The following ZNF581 variants were observed in gnomAD, a reference collection of about 807,000 sequenced individuals.
The protein encoded by ZNF581 is zinc finger protein 581.
ZNF581 carries 1 observed loss-of-function variant against 1.2 expected under a neutral mutation model. The observed-to-expected ratio is 0.83, with a 90% CI of 0.30 to 3.95. ZNF581 has a LOEUF of 3.95. Ranked by LOEUF, ZNF581 falls within the 30% of genes most tolerant of loss-of-function variation. ZNF581 has a pLI of 0.18. For missense variants in ZNF581, 273 were observed against 274.6 expected, an observed-to-expected ratio of 0.99 and a Z score of 0.04; for synonymous variants, 105 against 109.2, an observed-to-expected ratio of 0.96 and a Z score of 0.24.
chr19:55,643,033 A>G, upstream of ZNF581: 1 of 1,358,494 alleles, frequency 7.4e-7, no homozygotes, highest in Non-Finnish European at 9.5e-7. Context: ...ACTAAGCTCG[A>G]GACCCGGCCT....
rs1215475425 is a variant in ZNF581, at chr19:55,643,694, C to T, written c.-100C>T. Reference sequence around the variant, plus strand: ...AGTTCCTGGGGCACACCCAGAGGTCCCCTTCTCGCCGCCGCCTGCAACTGC... The same window carrying T: ...AGTTCCTGGGGCACACCCAGAGGTCTCCTTCTCGCCGCCGCCTGCAACTGC... On this transcript the variant is annotated 5_prime_UTR_variant, in exon 1 of 2. Transcript: ENST00000270451. 6.6e-6 allele frequency: 1 copy of T among 152,596 alleles called. No individual in the cohort carries two copies. The highest frequency in any genetic ancestry group is 1.5e-5 in the Non-Finnish European group (1 of 68,342). The allele number at this position is 152,596 out of a possible 1,614,324, so 9.5% of individuals were successfully genotyped here.
At chr19:55,635,277 A>C (rs141006754), upstream of ZNF581, 5 of 152,424 alleles carry the variant, frequency 3.3e-5, no homozygotes, top group East Asian at 7.7e-4. Context: ...TTGGATCCCA[A>C]TTGCCCCAGA....
chr19:55,640,219 G>C, upstream of ZNF581: 1 of 985,462 alleles, frequency 1.0e-6, no homozygotes, highest in South Asian at 4.7e-5. Context: ...GTGCTGCCGC[G>C]TGTGCAGCTC....
chr19:55,643,062 C>G (rs1343436763), upstream of ZNF581: 2 of 1,340,728 alleles, frequency 1.5e-6, no homozygotes, highest in Admixed American at 4.1e-5. Context: ...CTGCCCGTCT[C>G]AGGGCCACCA....
chr19:55,636,602 T>C (rs185279540), upstream of ZNF581, among the ~76,000 whole-genome samples: 1 of 152,264 alleles, frequency 6.6e-6, no homozygotes, highest in Admixed American at 6.5e-5. Context: ...GGGTAGAATG[T>C]TGACCAGGAT....
upstream of ZNF581, among the ~76,000 whole-genome samples, chr19:55,641,585 A>T (rs1982483077): frequency 6.6e-6 from 1 of 151,804 alleles, no homozygotes; most frequent in Admixed American, 6.6e-5. Context: ...GGCTTGGGAG[A>T]GGTGCTGTGG....
intron 1 of ZNF581, among the ~76,000 whole-genome samples, chr19:55,635,905 G>A (rs1441867790): frequency 6.6e-6 from 1 of 152,190 alleles, no homozygotes; most frequent in Non-Finnish European, 1.5e-5. Flanking sequence ...TAAGGAGAAG[G>A]CTGCCAGTAG....
upstream of ZNF581, chr19:55,641,025 A>AC: frequency 1.0e-6 from 1 of 984,582 alleles, no homozygotes; most frequent in Non-Finnish European, 1.2e-6. Context: ...GACTCCGCCA[A>AC]CCCCTCGCAC....
upstream of ZNF581, chr19:55,642,865 C>G (rs1036019267): frequency 6.4e-7 from 1 of 1,569,166 alleles, no homozygotes; most frequent in Non-Finnish European, 8.6e-7. Context: ...ACCTCAAGCC[C>G]TTCACGTGCG....
chr19:55,640,270 C>T (rs1019713275), upstream of ZNF581: 13 of 985,366 alleles, frequency 1.3e-5, no homozygotes, highest in East Asian at 1.0e-3. Flanking sequence ...GCTTTCGACG[C>T]CGGAGTCCTT....
chr19:55,640,949 G>C, upstream of ZNF581: 1 of 985,346 alleles, frequency 1.0e-6, no homozygotes, highest in East Asian at 1.1e-4. Context: ...GGGTGGGAGC[G>C]CCGGCTCCAG....
At chr19:55,638,384 G>A (rs147500861), upstream of ZNF581, among the ~76,000 whole-genome samples, 2,253 of 152,146 alleles carry the variant, frequency 0.015, 58 homozygotes, top group African/African-American at 0.051. Flanking sequence ...GACTACAGGC[G>A]CCTGCCACCA....
At chr19:55,643,131 A>T (rs1982635871), upstream of ZNF581, 1 of 1,286,810 alleles carries the variant, frequency 7.8e-7, no homozygotes, top group East Asian at 3.2e-5. Flanking sequence ...TGCTGAGGTT[A>T]CTGCCTTACC....
chr19:55,645,146 C>G lies in ZNF581; in HGVS notation c.575C>G (p.Thr192Arg). ...FMEQNTLQKH[T>R]RWKHP ...GAGCAGAACACACTGCAGAAACACACGCGGTGGAAGCATCCATGAGCCGGG... is the reference window on the plus strand; with the variant it reads ...GAGCAGAACACACTGCAGAAACACAGGCGGTGGAAGCATCCATGAGCCGGG... Residue 192 changes from threonine (T) to arginine (R), a missense_variant, in exon 2 of 2, where the codon ACG becomes AGG. By Grantham distance (71) the Thr-to-Arg change is moderately conservative. Coordinates refer to ENST00000270451, the MANE Select transcript of ZNF581 (RefSeq NM_016535.4). The G allele has an allele frequency of 2.6e-6, 4 of 1,516,980 alleles. No individual in the cohort carries two copies. Among genetic ancestry groups the G allele is most frequent in the Non-Finnish European group, 3.5e-6 (4 of 1,129,790 alleles). The allele number at this position is 1,516,980 out of a possible 1,614,324, so 94.0% of individuals were successfully genotyped here.
At chr19:55,642,910 C>T (rs1427349906), upstream of ZNF581, 2 of 1,530,504 alleles carry the variant, frequency 1.3e-6, no homozygotes, top group East Asian at 5.2e-5. Context: ...GCTCCAGCCA[C>T]CTGTCGCGGC....
upstream of ZNF581, chr19:55,640,910 CT>C: frequency 1.0e-6 from 1 of 985,418 alleles, no homozygotes; most frequent in Non-Finnish European, 1.2e-6. Flanking sequence ...CTCCGGTCCC[CT>C]CCCCGCAGGG....
chr19:55,637,597 T>G (rs117575534), upstream of ZNF581, among the ~76,000 whole-genome samples: 13,977 of 152,022 alleles, frequency 0.092, 852 homozygotes, highest in Middle Eastern at 0.18. Context: ...AGGCGGAGGC[T>G]GCTGCTGCTA....
chr19:55,644,526 C>T lies in ZNF581; in HGVS notation c.-19-27C>T, dbSNP rs1034854588. On this transcript the variant is annotated intron_variant, in intron 1 of 1. Transcript: ENST00000270451. This position sits in a 1 kb window ranked among gnomAD's most constrained non-coding sequence, Gnocchi z 4.3. ...GCTGAGCTGCCCTCTTCTATATAAC[C>T]TTCTTATCCCATCTCCCATCCACCA... 6 of 1,438,276 alleles carry T rather than the reference C, an allele frequency of 4.2e-6. No individual in the cohort carries two copies. In the Admixed American group the frequency reaches 6.4e-5, roughly 15 times the overall value. The allele number at this position is 1,438,276 out of a possible 1,614,324, so 89.1% of individuals were successfully genotyped here.
upstream of ZNF581, among the ~76,000 whole-genome samples, chr19:55,638,276 G>T (rs1982214942): frequency 6.6e-6 from 1 of 152,096 alleles, no homozygotes; most frequent in African/African-American, 2.4e-5. Flanking sequence ...GTCTTGCTCT[G>T]TTGCCAGGCT....
Sources: allele counts gnomAD v4.1 joint callset (sites outside exome capture counted in the v4.1 genomes callset), GRCh38; gene constraint gnomAD v4.1.1; non-coding constraint Gnocchi (gnomAD v3.1); transcripts MANE v1.5; gene names NCBI Gene and HGNC (gene_info 2026-07-23, HGNC 2026-07-21).